CCDC91: variants seen among roughly 807,000 people sequenced by gnomAD.
CCDC91 encodes coiled-coil domain containing 91, also known as coiled-coil domain-containing protein 91.
Under a neutral mutation model 63.2 loss-of-function variants are expected in CCDC91, and 48 were observed. The observed-to-expected ratio is 0.76, with a 90% CI of 0.60 to 0.97. CCDC91 has a LOEUF of 0.97. CCDC91 is among the 50% of genes least tolerant of loss of function. The pLI is 0.00. For missense variants in CCDC91, 500 were observed against 494.6 expected, an observed-to-expected ratio of 1.01 and a Z score of -0.10; for synonymous variants, 167 against 165.8, an observed-to-expected ratio of 1.01 and a Z score of -0.06.
chr12:28,332,822 C>T (rs1448248746), intron 6 of CCDC91, among the ~76,000 whole-genome samples: 1 of 152,004 alleles, frequency 6.6e-6, no homozygotes, highest in Admixed American at 6.6e-5. Flanking sequence ...CGCTGTAACT[C>T]ATGCCTGAGG....
At chr12:28,229,574 C>A (rs1944466887) in intron 1 of CCDC91, among the ~76,000 whole-genome samples, 1 of 152,094 alleles carries the variant, frequency 6.6e-6, no homozygotes, top group Non-Finnish European at 1.5e-5. Flanking sequence ...GGCAAGATTT[C>A]TAAAATGGGA....
intron 8 of CCDC91, among the ~76,000 whole-genome samples, chr12:28,437,621 T>C (rs1044960979): frequency 6.6e-6 from 1 of 152,140 alleles, no homozygotes; most frequent in African/African-American, 2.4e-5. Flanking sequence ...CCATCCTGTG[T>C]CCAATAAATA....
chr12:28,458,394 T>C (rs2140421721), intron 11 of CCDC91, among the ~76,000 whole-genome samples: 1 of 150,666 alleles, frequency 6.6e-6, no homozygotes, highest in Admixed American at 6.6e-5. Context: ...ATCTGCCAAG[T>C]TTTTCAGTCC....
intron 1 of CCDC91, among the ~76,000 whole-genome samples, chr12:28,238,302 T>C (rs1264120740): frequency 1.3e-5 from 2 of 152,122 alleles, no homozygotes; most frequent in African/African-American, 4.8e-5. Flanking sequence ...AACAACATAT[T>C]AAAAGATGTT....
At chr12:28,456,400 C>T (rs1365878005) in intron 11 of CCDC91, among the ~76,000 whole-genome samples, 2 of 151,860 alleles carry the variant, frequency 1.3e-5, no homozygotes, top group Non-Finnish European at 2.9e-5. Flanking sequence ...AGGAAAGAAG[C>T]CAAACTCAGT....
chr12:28,250,466 A>G (rs1207301839), intron 1 of CCDC91, among the ~76,000 whole-genome samples: 1 of 152,124 alleles, frequency 6.6e-6, no homozygotes, highest in Admixed American at 6.5e-5. Flanking sequence ...GGCAGTTTCA[A>G]AATTATTAAC....
At chr12:28,476,409 C>G (rs1951095957) in intron 11 of CCDC91, among the ~76,000 whole-genome samples, 1 of 152,128 alleles carries the variant, frequency 6.6e-6, no homozygotes, top group Admixed American at 6.6e-5. Context: ...TAAAGATGTT[C>G]TTTGAAACCA....
At chr12:28,274,019 A>G (rs1434898854) in intron 3 of CCDC91, among the ~76,000 whole-genome samples, 15 of 152,158 alleles carry the variant, frequency 9.9e-5, no homozygotes, top group Non-Finnish European at 1.9e-4. Context: ...ATTTTTGTAT[A>G]AGGTGTAAGG....
chr12:28,515,923 A>G (rs533317398), intron 12 of CCDC91, among the ~76,000 whole-genome samples: 54 of 152,038 alleles, frequency 3.6e-4, no homozygotes, highest in Admixed American at 1.4e-3. Context: ...CTCAAAGGGA[A>G]CTACTTTCTT....
At chr12:28,434,102 G>T (rs1202340552) in intron 8 of CCDC91, among the ~76,000 whole-genome samples, 1 of 151,546 alleles carries the variant, frequency 6.6e-6, no homozygotes, top group Non-Finnish European at 1.5e-5. Flanking sequence ...TTGATTCTTT[G>T]GGATTTTTTA....
At chr12:28,496,676 T>G (rs1471622701) in intron 12 of CCDC91, among the ~76,000 whole-genome samples, 1 of 151,474 alleles carries the variant, frequency 6.6e-6, no homozygotes, top group African/African-American at 2.4e-5. Context: ...GAACAGAACA[T>G]TAGCAATTGC....
chr12:28,381,333 A>G (rs1406008366), intron 7 of CCDC91, among the ~76,000 whole-genome samples: 1 of 152,090 alleles, frequency 6.6e-6, no homozygotes, highest in Non-Finnish European at 1.5e-5. Flanking sequence ...TATTGATTTT[A>G]TACCAAGGAT....
chr12:28,236,438 T>C (rs1014734664), intron 1 of CCDC91: 3 of 152,092 alleles, frequency 2.0e-5, no homozygotes, highest in African/African-American at 7.2e-5. Context: ...ATTTTTTGGC[T>C]TGCATTATTT....
chr12:28,358,626 C>T (rs889594494), intron 6 of CCDC91, among the ~76,000 whole-genome samples: 2 of 152,170 alleles, frequency 1.3e-5, no homozygotes, highest in African/African-American at 2.4e-5. Flanking sequence ...CTAGCACTAC[C>T]TCTTCCAATA....
intron 8 of CCDC91, among the ~76,000 whole-genome samples, chr12:28,391,980 G>A (rs1156540022): frequency 6.6e-6 from 1 of 152,118 alleles, no homozygotes; most frequent in African/African-American, 2.4e-5. Context: ...AATTTGGAAT[G>A]TGAAAATTAA....
chr12:28,196,352 G>A (rs1191362081), intron 1 of CCDC91, among the ~76,000 whole-genome samples: 1 of 151,132 alleles, frequency 6.6e-6, no homozygotes, highest in Non-Finnish European at 1.5e-5. Context: ...TTAAACTCAC[G>A]AGTTCGTTCT....
Position 28,484,118 on chromosome 12 carries a change from A to G in CCDC91, c.1168A>G (p.Lys390Glu). The change falls in exon 12 of 13, where the codon AAA becomes GAA. Residue 390 changes from lysine (K) to glutamate (E), a missense_variant. Coordinates refer to ENST00000536442, the MANE Select transcript of CCDC91 (RefSeq NM_018318.5). The stretch of plus-strand genomic sequence containing the variant: ...TGAAAAGGCTGTGGAAGAGGCAGTG[A>G]AAAGAACAAGAGATGAATTGATAGA... Reference protein sequence around the residue: ...RSEKAVEEAVKRTRDELIEYI... With the variant: ...RSEKAVEEAVERTRDELIEYI... 1.2e-6 allele frequency: 2 copies of G among 1,611,572 alleles called. No individual in the cohort carries two copies. Among genetic ancestry groups the G allele is most frequent in the South Asian group, 2.2e-5 (2 of 90,710 alleles).
chr12:28,405,472 T>G (rs1565921746), intron 8 of CCDC91, among the ~76,000 whole-genome samples: 1 of 152,194 alleles, frequency 6.6e-6, no homozygotes, highest in Non-Finnish European at 1.5e-5. Context: ...CCTTCTCAGA[T>G]GCTTTTTCCA....
intron 6 of CCDC91, among the ~76,000 whole-genome samples, chr12:28,343,470 C>G (rs1942588178): frequency 6.6e-6 from 1 of 151,960 alleles, no homozygotes; most frequent in African/African-American, 2.4e-5. Context: ...ATTCAGGTCA[C>G]CTCACCTTTT....
Sources: allele counts gnomAD v4.1 joint callset (sites outside exome capture counted in the v4.1 genomes callset), GRCh38; gene constraint gnomAD v4.1.1; transcripts MANE v1.5; gene names NCBI Gene and HGNC (gene_info 2026-07-23, HGNC 2026-07-21).